Variants in N4BP1 observed in about 807,000 individuals in gnomAD.
N4BP1 encodes NEDD4-binding protein 1.
In N4BP1, 21 loss-of-function variants were observed where a neutral mutation model predicts 70.9. The ratio of observed to expected loss-of-function variants is 0.30; its 90% CI spans 0.21 to 0.43. N4BP1 has a LOEUF of 0.43. Ranked by LOEUF, N4BP1 falls within the 20% of genes least tolerant of loss-of-function variation. N4BP1 has a pLI of 1.00. For synonymous variants in N4BP1, 387 were observed against 394.6 expected, an observed-to-expected ratio of 0.98 and a Z score of 0.23; for missense variants, 936 against 1,069.4, an observed-to-expected ratio of 0.88 and a Z score of 1.74.
chr16:48,563,555 T>C (rs970520994), intron 1 of N4BP1, among the ~76,000 whole-genome samples: 1 of 152,078 alleles, frequency 6.6e-6, no homozygotes, highest in South Asian at 2.1e-4. Context: ...CTGGCTAATT[T>C]TGTACGCTAG....
At chr16:48,559,318 C>CTTA (rs1186570511) in intron 2 of N4BP1, among the ~76,000 whole-genome samples, 1 of 152,164 alleles carries the variant, frequency 6.6e-6, no homozygotes, top group South Asian at 2.1e-4. Context: ...TCTTTCAGAA[C>CTTA]TCCTAAAAAA....
chr16:48,553,017 T>C (rs1963698559), intron 3 of N4BP1, among the ~76,000 whole-genome samples: 1 of 152,196 alleles, frequency 6.6e-6, no homozygotes, highest in South Asian at 2.1e-4. Context: ...CCTTCACCTA[T>C]CTTCCTATCA....
Position 48,608,659 on chromosome 16 carries a change from G to T in N4BP1, c.198+1116C>A, listed in dbSNP as rs539084781. ...CTGTGTTGCTTTTTGGTTTGGAAAG[G>T]GGGGGAAGTAGATAGAGGTGCTGAA... On this transcript the variant is annotated intron_variant, in intron 1 of 6. Coordinates refer to ENST00000262384, the MANE Select transcript of N4BP1 (RefSeq NM_153029.4). Among the ~76,000 whole-genome samples the T allele has an allele frequency of 8.8e-4, 134 of 151,986 alleles. 1 individual carries two copies. The highest frequency in any genetic ancestry group is 3.1e-3 in the African/African-American group (127 of 41,430).
At chr16:48,571,243 C>T (rs1267140142) in intron 1 of N4BP1, among the ~76,000 whole-genome samples, 1 of 152,152 alleles carries the variant, frequency 6.6e-6, no homozygotes, top group African/African-American at 2.4e-5. Context: ...AAAAGTTGAT[C>T]ATATCTCCTC....
Position 48,543,244 on chromosome 16 carries a change from A to C in N4BP1, c.2351T>G (p.Leu784Arg), listed in dbSNP as rs1015131408. The C allele has an allele frequency of 1.1e-5, 17 of 1,532,256 alleles. No homozygotes were observed. The highest frequency in any genetic ancestry group is 1.4e-5 in the Non-Finnish European group (16 of 1,139,578). 94.9% of individuals were successfully genotyped at this position (1,532,256 alleles called of 1,614,324 possible). ...CATGCCCACATTTGGCAGGGCACTG[A>C]GTAGGGGCTGCATATCTCTGTGAAT... ...EVCLRDMQPL[L>R]SALPNVGMFD... The change falls in exon 7 of 7, where the codon CTC becomes CGC. Residue 784 changes from leucine to arginine, a missense_variant. Coordinates refer to ENST00000262384, the MANE Select transcript of N4BP1 (RefSeq NM_153029.4).
intron 1 of N4BP1, among the ~76,000 whole-genome samples, chr16:48,600,981 A>T (rs967932564): frequency 1.3e-5 from 2 of 152,262 alleles, no homozygotes; most frequent in Non-Finnish European, 2.9e-5. Flanking sequence ...AGTGATATAT[A>T]AAATAAAATA....
intron 1 of N4BP1, among the ~76,000 whole-genome samples, chr16:48,564,704 G>A (rs71382729): frequency 0.024 from 3,614 of 152,146 alleles, 67 homozygotes; most frequent in Non-Finnish European, 0.038. Context: ...TATCTTGCTG[G>A]AATTTTATCA....
At chr16:48,557,254 T>C (rs1051772151) in intron 2 of N4BP1, among the ~76,000 whole-genome samples, 1 of 152,192 alleles carries the variant, frequency 6.6e-6, no homozygotes, top group Non-Finnish European at 1.5e-5. Context: ...CCCAACTACT[T>C]GGGTCAAATC....
intron 1 of N4BP1, among the ~76,000 whole-genome samples, chr16:48,599,509 TC>T (rs2151101851): frequency 6.6e-6 from 1 of 152,320 alleles, no homozygotes; most frequent in Non-Finnish European, 1.5e-5. Flanking sequence ...GCAATCTTAT[TC>T]TAACACTGTT....
chr16:48,562,378 A>C lies in N4BP1; in HGVS notation c.265T>G (p.Cys89Gly), dbSNP rs377202105. 40 of 1,613,702 alleles carry C rather than the reference A, an allele frequency of 2.5e-5. No homozygotes were observed. The highest frequency in any genetic ancestry group is 3.1e-5 in the Non-Finnish European group (36 of 1,179,816). Residue 89 changes from cysteine to glycine, a missense_variant, in exon 2 of 7, where the codon TGC (cysteine) becomes GGC (glycine). This residue lies in a region of N4BP1 where 187 missense variants were observed against 217.1 expected (regional missense o/e 0.86). Coordinates refer to ENST00000262384, the MANE Select transcript of N4BP1 (RefSeq NM_153029.4). ...AGGCTCTCTGCCCCAACAAAAATGC[A>C]GTGCATGTCCTTGGGGTAACATTCT... ...ERECYPKDMH[C>G]IFVGAESLFL...
At chr16:48,553,465 A>C in intron 3 of N4BP1, 74 bp downstream of exon 3, 10 of 1,426,842 alleles carry the variant, frequency 7.0e-6, no homozygotes, top group Non-Finnish European at 9.3e-6. Context: ...TCTATTCTAA[A>C]TAGCATGTGT....
rs764505336 is a variant in N4BP1 at position 48,598,789 on chromosome 16, G to C, written c.198+10986C>G. 7.9e-5 allele frequency among the ~76,000 whole-genome samples: 12 copies of C among 152,046 alleles called. 1 individual carries two copies. Among genetic ancestry groups the C allele is most frequent in the Non-Finnish European group, 2.9e-5 (2 of 67,998 alleles). On this transcript the variant is annotated intron_variant, in intron 1 of 6. Transcript: ENST00000262384. Reference sequence around the variant, plus strand: ...GTACACAAGTGGGTAAAACCTTCTGGGGTGGTGAAGATAAATCCCTGAAAC... The same window carrying C: ...GTACACAAGTGGGTAAAACCTTCTGCGGTGGTGAAGATAAATCCCTGAAAC...
Position 48,561,557 on chromosome 16 carries a change from T to A in N4BP1, c.1086A>T (p.Glu362Asp). The change falls in exon 2 of 7, where the codon GAA (glutamate) becomes GAT (aspartate). Residue 362 changes from glutamate (E) to aspartate (D), a missense_variant. By Grantham distance (45) the Glu-to-Asp change is conservative. This residue lies in a region of N4BP1 where 515 missense variants were observed against 491.7 expected (regional missense o/e 1.05). Coordinates refer to ENST00000262384, the MANE Select transcript of N4BP1 (RefSeq NM_153029.4). The part of the protein sequence containing the change: ...NFFKTMGYSQ[E>D]IVEKVIKVYG... ...ACACCTTAATGACCTTTTCAACAAT[T>A]TCTTGGGAGTAGCCCATGGTTTTAA... The A allele has an allele frequency of 6.2e-7, 1 of 1,613,914 alleles. No individual in the cohort carries two copies. The highest frequency in any genetic ancestry group is 1.1e-5 in the South Asian group (1 of 91,078).
chr16:48,558,292 C>T (rs1328769399), intron 2 of N4BP1, among the ~76,000 whole-genome samples: 1 of 125,182 alleles, frequency 8.0e-6, no homozygotes, highest in East Asian at 2.0e-4. Context: ...AATCAGTTTT[C>T]CAAAAAAAAA....
At chr16:48,562,799 T>C (rs2151089922) in intron 1 of N4BP1, among the ~76,000 whole-genome samples, 1 of 152,328 alleles carries the variant, frequency 6.6e-6, no homozygotes, top group South Asian at 2.1e-4. Context: ...AGTAATTTAT[T>C]ACTTCCATGA....
intron 1 of N4BP1, chr16:48,600,090 C>A: frequency 2.7e-6 from 1 of 371,742 alleles, no homozygotes; most frequent in Non-Finnish European, 4.9e-6. Context: ...AAGAATGAAA[C>A]ATACTGTGAA....
rs3785137 is a variant in N4BP1, at chr16:48,556,716, A to T, written c.1890-3047T>A. ...GGTGACACACAGCTGATAAAAACTC[A>T]TGGCAGCCATAGCACCAGACAGGGC... On this transcript the variant is annotated intron_variant, in intron 2 of 6. Transcript: ENST00000262384. 4.3e-4 allele frequency among the ~76,000 whole-genome samples: 65 copies of T among 152,350 alleles called. 2 individuals carry two copies. In the East Asian group the frequency reaches 0.013, roughly 29 times the overall value.
chr16:48,561,524 T>C lies in N4BP1; in HGVS notation c.1119A>G (p.Pro373=). 1.9e-6 allele frequency: 3 copies of C among 1,613,700 alleles called. No homozygotes were observed. Among genetic ancestry groups the C allele is most frequent in the Non-Finnish European group, 1.7e-6 (2 of 1,179,816 alleles). The change falls in exon 2 of 7, where the codon CCA becomes CCG. Residue 373 remains proline, a synonymous_variant. Transcript: ENST00000262384. ...IVEKVIKVYG[P]STEPLLLLEE... ...CTAAGAGCAATAATGGTTCAGTAGA[T>C]GGTCCATACACCTTAATGACCTTTT...
chr16:48,545,860 T>TA (rs1963583552), intron 6 of N4BP1, among the ~76,000 whole-genome samples: 3 of 151,726 alleles, frequency 2.0e-5, no homozygotes, highest in South Asian at 4.2e-4. Context: ...ACCCTGTCTC[T>TA]ACTAAAAATA....
Sources: gnomAD v4.1 joint callset for allele counts (sites outside exome capture counted in the v4.1 genomes callset) on GRCh38, gnomAD v4.1.1 for gene constraint, gnomAD v4.1.1 regional missense constraint, MANE v1.5 for transcripts, NCBI Gene and HGNC (gene_info 2026-07-23, HGNC 2026-07-21) for gene names.